SMCHD1: variants seen among roughly 807,000 people sequenced by gnomAD.
The protein encoded by SMCHD1 is structural maintenance of chromosomes flexible hinge domain-containing protein 1.
A neutral mutation model predicts 254.7 loss-of-function variants in SMCHD1; 78 were observed. That is an observed-to-expected ratio of 0.31 (90% CI 0.26 to 0.37). The LOEUF (loss-of-function observed/expected upper bound fraction) is 0.37. SMCHD1 is among the 10% of genes least tolerant of loss of function. The pLI is 1.00. For synonymous variants in SMCHD1, 766 were observed against 794.9 expected (o/e 0.96, Z 0.61); for missense variants, 1,840 against 2,408.1 (o/e 0.76, Z 4.94).
chr18:2,764,562 T>G (rs185675963), intron 37 of SMCHD1, among the ~76,000 whole-genome samples: 110 of 152,228 alleles, frequency 7.2e-4, no homozygotes, highest in South Asian at 3.1e-3. Context: ...CCCATATCCG[T>G]GGGTTTCACA....
chr18:2,777,064 C>G (rs1044489326), intron 42 of SMCHD1, among the ~76,000 whole-genome samples: 4 of 67,516 alleles, frequency 5.9e-5, no homozygotes, highest in South Asian at 7.7e-4. Flanking sequence ...CCACCACCTC[C>G]CCCCCCCATA....
At chr18:2,670,730 G>A (rs538884705) in intron 3 of SMCHD1, among the ~76,000 whole-genome samples, 1 of 151,580 alleles carries the variant, frequency 6.6e-6, no homozygotes, top group Non-Finnish European at 1.5e-5. Context: ...GTGAAACCCC[G>A]TCTCTACTAA....
chr18:2,707,081 C>T (rs548914655), intron 15 of SMCHD1, among the ~76,000 whole-genome samples: 54 of 150,510 alleles, frequency 3.6e-4, no homozygotes, highest in African/African-American at 1.2e-3. Context: ...TCACCGCCCA[C>T]CAGGTCCCTC....
At chr18:2,793,701 A>C (rs893853927) in intron 45 of SMCHD1, among the ~76,000 whole-genome samples, 10 of 151,254 alleles carry the variant, frequency 6.6e-5, no homozygotes, top group African/African-American at 2.2e-4. Context: ...ATGTGGAATT[A>C]GAAATCAGAC....
intron 39 of SMCHD1, 78 bp downstream of exon 39, chr18:2,770,186 G>A (rs906500562): frequency 1.4e-6 from 2 of 1,422,248 alleles, no homozygotes; most frequent in African/African-American, 2.9e-5. Context: ...ACACAAACAA[G>A]CTTCCACTTT....
At chr18:2,769,147 A>G (rs2075929862) in intron 37 of SMCHD1, among the ~76,000 whole-genome samples, 1 of 152,180 alleles carries the variant, frequency 6.6e-6, no homozygotes, top group Admixed American at 6.5e-5. Flanking sequence ...CTTAAAGTAT[A>G]TCAAAAGGTT....
intron 21 of SMCHD1, 58 bp downstream of exon 21, chr18:2,725,053 A>G (rs1029910995): frequency 9.6e-7 from 1 of 1,043,390 alleles, no homozygotes; most frequent in Non-Finnish European, 1.3e-6. Flanking sequence ...TCATATGGTA[A>G]GAATGAAATT....
chr18:2,747,669 A>G lies in SMCHD1; in HGVS notation c.3927+22A>G, dbSNP rs756188472. On this transcript the variant is annotated intron_variant, in intron 30 of 47. Transcript: ENST00000320876. ...AAAGGTAAGTTTTAAACTTCCTTAC[A>G]TCTTCATTTAAAATTCTGGATTTCA... 5.3e-6 allele frequency: 8 copies of G among 1,500,906 alleles called. 1 individual carries two copies. The South Asian group carries it at 1.0e-4, about 19-fold the overall frequency. The allele number at this position is 1,500,906 out of a possible 1,614,324, so 93.0% of individuals were successfully genotyped here.
intron 1 of SMCHD1, among the ~76,000 whole-genome samples, chr18:2,659,144 G>C (rs547264487): frequency 1.3e-5 from 2 of 152,134 alleles, no homozygotes; most frequent in Non-Finnish European, 2.9e-5. Context: ...TTGAGACGGA[G>C]TCTCGCTCTG....
intron 25 of SMCHD1, among the ~76,000 whole-genome samples, chr18:2,735,363 C>T (rs999013683): frequency 6.6e-6 from 1 of 152,136 alleles, no homozygotes; most frequent in African/African-American, 2.4e-5. Flanking sequence ...AACCATTCTC[C>T]TTGAGAACTG....
At chr18:2,765,477 G>C (rs905546171) in intron 37 of SMCHD1, among the ~76,000 whole-genome samples, 1 of 152,180 alleles carries the variant, frequency 6.6e-6, no homozygotes, top group African/African-American at 2.4e-5. Context: ...CCTGCCAGCT[G>C]TACCTGGCCT....
chr18:2,663,472 T>G (rs1001887181), intron 1 of SMCHD1, among the ~76,000 whole-genome samples: 4 of 152,212 alleles, frequency 2.6e-5, no homozygotes, highest in African/African-American at 9.7e-5. Context: ...CCCTATGTGT[T>G]CTTTTACAAT....
At chr18:2,708,149 A>T (rs1339994561) in intron 17 of SMCHD1, among the ~76,000 whole-genome samples, 1 of 152,166 alleles carries the variant, frequency 6.6e-6, no homozygotes, top group African/African-American at 2.4e-5. Context: ...TAACTGGGCT[A>T]AAGTAAAGGC....
intron 33 of SMCHD1, 138 bp from the exon 34 acceptor site, chr18:2,752,350 T>G (rs1170768284): frequency 1.1e-5 from 7 of 647,366 alleles, no homozygotes; most frequent in African/African-American, 1.9e-5. Flanking sequence ...TATAAACGTG[T>G]GTATATATAC....
intron 13 of SMCHD1, among the ~76,000 whole-genome samples, chr18:2,704,114 G>A (rs1363408280): frequency 6.6e-6 from 1 of 151,878 alleles, no homozygotes; most frequent in Admixed American, 6.6e-5. Flanking sequence ...ATTTTTAGTA[G>A]AAGTTGAGAC....
rs1412121084 is a variant in SMCHD1 at position 2,804,841 on chromosome 18, A to G, written c.*2289A>G. The G allele has an allele frequency of 6.6e-6, 1 of 152,208 alleles. No individual in the cohort carries two copies. Among genetic ancestry groups the G allele is most frequent in the Non-Finnish European group, 1.5e-5 (1 of 68,024 alleles). 9.4% of individuals were successfully genotyped at this position (152,208 alleles called of 1,614,324 possible). A position where few individuals can be genotyped will look rare whatever the true frequency, so the allele number is the denominator to read the frequency against. ...TTAGTATAAAGGAATGTAACTGGAG[A>G]AAAAAATTAATGCTACAGCCATTTA... On this transcript the variant is annotated 3_prime_UTR_variant, in exon 48 of 48. Transcript: ENST00000320876.
At chr18:2,660,472 G>GGT (rs750322764) in intron 1 of SMCHD1, among the ~76,000 whole-genome samples, 1 of 126,184 alleles carries the variant, frequency 7.9e-6, no homozygotes, top group African/African-American at 3.2e-5. Context: ...AAAATCCATG[G>GGT]TTTTTTTTTT....
At chr18:2,735,425 T>G (rs766486089) in intron 25 of SMCHD1, among the ~76,000 whole-genome samples, 2 of 152,120 alleles carry the variant, frequency 1.3e-5, no homozygotes, top group Non-Finnish European at 2.9e-5. Flanking sequence ...TATTGGAAGT[T>G]CTACCCAGAG....
At chr18:2,757,421 C>T (rs1296084615) in intron 34 of SMCHD1, among the ~76,000 whole-genome samples, 1 of 151,902 alleles carries the variant, frequency 6.6e-6, no homozygotes, top group African/African-American at 2.4e-5. Context: ...CACTGTGTTG[C>T]CCAGATTGGT....
Sources: gnomAD v4.1 joint callset for allele counts (sites outside exome capture counted in the v4.1 genomes callset) on GRCh38, gnomAD v4.1.1 for gene constraint, MANE v1.5 for transcripts, NCBI Gene and HGNC (gene_info 2026-07-23, HGNC 2026-07-21) for gene names.